The following PRKCA variants were observed in gnomAD, a reference collection of about 807,000 sequenced individuals.
PRKCA encodes the protein protein kinase C alpha type.
In PRKCA, 27 loss-of-function variants were observed where a neutral mutation model predicts 87.0. The ratio of observed to expected loss-of-function variants is 0.31; its 90% CI spans 0.23 to 0.43. The LOEUF is 0.43. Among genes scored for constraint, PRKCA ranks in the 20% least tolerant of loss-of-function variants. PRKCA has a pLI of 1.00. For missense variants in PRKCA, 518 were observed against 852.3 expected (o/e 0.61, Z 4.88); for synonymous variants, 329 against 311.1 (o/e 1.06, Z -0.61).
Position 66,689,836 on chromosome 17 carries a change from G to T in PRKCA, c.918+789G>T, listed in dbSNP as rs1972731213. On this transcript the variant is annotated intron_variant, in intron 8 of 16. Coordinates refer to ENST00000413366, the MANE Select transcript of PRKCA (RefSeq NM_002737.3). The surrounding 1 kb of genome is among the most constrained non-coding windows in gnomAD (Gnocchi z 4.1). ...GGCTGTTCGAGGGACTCCTAGAGTA[G>T]CCTTTTCAGTCTGTGTAACTGGTTA... Among the ~76,000 whole-genome samples, 2 of 152,200 alleles carry T rather than the reference G, an allele frequency of 1.3e-5. No individual in the cohort carries two copies. Among genetic ancestry groups the T allele is most frequent in the African/African-American group, 2.4e-5 (1 of 41,438 alleles).
intron 14 of PRKCA, among the ~76,000 whole-genome samples, chr17:66,781,158 G>A: frequency 6.6e-6 from 1 of 152,132 alleles, no homozygotes; most frequent in Non-Finnish European, 1.5e-5. Flanking sequence ...TGAATGTGCT[G>A]GTCATTACTG....
chr17:66,654,815 C>T (rs1026618111), intron 5 of PRKCA, among the ~76,000 whole-genome samples: 2 of 152,180 alleles, frequency 1.3e-5, no homozygotes, highest in African/African-American at 4.8e-5. Flanking sequence ...AGCAGGGAAT[C>T]TGGGTGAAGT....
At chr17:66,673,605 C>G (rs1972250060) in intron 5 of PRKCA, among the ~76,000 whole-genome samples, 1 of 152,176 alleles carries the variant, frequency 6.6e-6, no homozygotes, top group Admixed American at 6.5e-5. Context: ...AATTCTGCAA[C>G]ATTCATAAAC....
chr17:66,418,897 G>A (rs965019443), intron 2 of PRKCA, among the ~76,000 whole-genome samples: 8 of 150,444 alleles, frequency 5.3e-5, no homozygotes, highest in African/African-American at 1.5e-4. Context: ...GACTACAGGC[G>A]CCCACCATCA....
intron 3 of PRKCA, among the ~76,000 whole-genome samples, chr17:66,627,685 A>C (rs1970893757): frequency 6.6e-6 from 1 of 152,196 alleles, no homozygotes; most frequent in African/African-American, 2.4e-5. Context: ...ACTAAGTGCC[A>C]AAGAGGCCAA....
chr17:66,578,451 A>G (rs1969311252), intron 3 of PRKCA, among the ~76,000 whole-genome samples: 1 of 152,210 alleles, frequency 6.6e-6, no homozygotes, highest in Non-Finnish European at 1.5e-5. Flanking sequence ...CCTGAAAATT[A>G]CAATGGTTCA....
At position 66,782,759 on chromosome 17, in the gene PRKCA, C is replaced by T. The variant is rs1282199274; in HGVS notation, c.1606-4108C>T. ...TTTACATGCTGGGTGGGGCTGTAGCCGAGTACCCTCTGCCTCACTTCACCC... is the reference window on the plus strand; with the variant it reads ...TTTACATGCTGGGTGGGGCTGTAGCTGAGTACCCTCTGCCTCACTTCACCC... On this transcript the variant is annotated intron_variant, in intron 14 of 16. Coordinates refer to ENST00000413366, the MANE Select transcript of PRKCA (RefSeq NM_002737.3). Among the ~76,000 whole-genome samples, 5 of 152,216 alleles carry T rather than the reference C, an allele frequency of 3.3e-5. No homozygotes were observed. In the South Asian group the frequency reaches 6.2e-4, roughly 19 times the overall value.
intron 3 of PRKCA, among the ~76,000 whole-genome samples, chr17:66,628,775 C>T (rs1970927416): frequency 6.6e-6 from 1 of 152,186 alleles, no homozygotes; most frequent in Non-Finnish European, 1.5e-5. Flanking sequence ...CACCTCTAAT[C>T]CCAGCACTTG....
At chr17:66,398,787 C>G (rs970399046) in intron 2 of PRKCA, among the ~76,000 whole-genome samples, 1 of 152,156 alleles carries the variant, frequency 6.6e-6, no homozygotes, top group African/African-American at 2.4e-5. Context: ...AAAATTATAG[C>G]ATAATTTCTC....
At chr17:66,787,572 A>C (rs1204887253) in intron 15 of PRKCA, among the ~76,000 whole-genome samples, 2 of 152,204 alleles carry the variant, frequency 1.3e-5, no homozygotes, top group Non-Finnish European at 2.9e-5. Flanking sequence ...TATAGCATAC[A>C]TACAGCAATT....
intron 2 of PRKCA, chr17:66,415,026 C>T (rs1912053461): frequency 6.6e-6 from 1 of 151,646 alleles, no homozygotes; most frequent in South Asian, 2.1e-4. Context: ...TCTCTCGGTG[C>T]TCATAGAATG....
chr17:66,401,386 T>C (rs1911016629), intron 2 of PRKCA, among the ~76,000 whole-genome samples: 1 of 152,200 alleles, frequency 6.6e-6, no homozygotes, highest in South Asian at 2.1e-4. Context: ...TTGGAAAGCC[T>C]GTATAGGAAA....
intron 3 of PRKCA, among the ~76,000 whole-genome samples, chr17:66,622,715 G>A (rs1471340209): frequency 6.6e-6 from 1 of 152,178 alleles, no homozygotes; most frequent in African/African-American, 2.4e-5. Flanking sequence ...CATGTGGCTG[G>A]GGAGGCCTCA....
At chr17:66,462,241 T>C (rs968593041) in intron 2 of PRKCA, among the ~76,000 whole-genome samples, 7 of 152,158 alleles carry the variant, frequency 4.6e-5, no homozygotes, top group Non-Finnish European at 1.0e-4. Context: ...TTCCTCATTG[T>C]TTTATGTTTC....
Position 66,808,180 on chromosome 17 carries a change from C to T in PRKCA, c.*4143C>T. 1 of 152,158 alleles carries T rather than the reference C, an allele frequency of 6.6e-6. No homozygotes were observed. Among genetic ancestry groups the T allele is most frequent in the Admixed American group, 6.5e-5 (1 of 15,276 alleles). 9.4% of individuals were successfully genotyped at this position (152,158 alleles called of 1,614,324 possible). ...TCCTGCCCATTTTCCTCTCTGGCTT[C>T]CTGCCAAGAATTATGGCAGCTGAGG... On this transcript the variant is annotated 3_prime_UTR_variant, in exon 17 of 17. Coordinates refer to ENST00000413366, the MANE Select transcript of PRKCA (RefSeq NM_002737.3).
chr17:66,582,188 G>A (rs1316614371), intron 3 of PRKCA, among the ~76,000 whole-genome samples: 1 of 151,928 alleles, frequency 6.6e-6, no homozygotes, highest in Non-Finnish European at 1.5e-5. Context: ...CTCTTCCCAT[G>A]GAAATGGCTG....
At chr17:66,571,368 G>A (rs552901522) in intron 3 of PRKCA, among the ~76,000 whole-genome samples, 9 of 151,966 alleles carry the variant, frequency 5.9e-5, no homozygotes, top group South Asian at 2.1e-4. Context: ...AATTCTTGTC[G>A]GTATATACAA....
At chr17:66,759,898 G>A (rs892145278) in intron 13 of PRKCA, among the ~76,000 whole-genome samples, 11 of 152,206 alleles carry the variant, frequency 7.2e-5, no homozygotes, top group Non-Finnish European at 1.3e-4. Flanking sequence ...TAATGTGTGC[G>A]TCTGACAGCA....
intron 2 of PRKCA, among the ~76,000 whole-genome samples, chr17:66,321,622 C>G (rs1323338148): frequency 6.6e-6 from 1 of 152,204 alleles, no homozygotes; most frequent in African/African-American, 2.4e-5. Context: ...CTGCTCACTA[C>G]AACCTCTGCC....
Sources: allele counts gnomAD v4.1 joint callset (sites outside exome capture counted in the v4.1 genomes callset), GRCh38; gene constraint gnomAD v4.1.1; non-coding constraint Gnocchi (gnomAD v3.1); transcripts MANE v1.5; gene names NCBI Gene and HGNC (gene_info 2026-07-23, HGNC 2026-07-21).